MIDN: variants seen among roughly 807,000 people sequenced by gnomAD.
MIDN encodes the protein midbrain nucleolar protein.
A neutral mutation model predicts 46.1 loss-of-function variants in MIDN; 26 were observed. That is an observed-to-expected ratio of 0.56 (90% CI 0.41 to 0.78). The LOEUF is 0.78. Among genes scored for constraint, MIDN ranks in the 30% least tolerant of loss-of-function variants. The pLI is 0.00. For synonymous variants in MIDN, 432 were observed against 343.3 expected, an observed-to-expected ratio of 1.26 and a Z score of -2.86; for missense variants, 850 against 771.8, an observed-to-expected ratio of 1.10 and a Z score of -1.20.
chr19:1,257,560 C>T lies in MIDN; in HGVS notation c.*288C>T, dbSNP rs966208299. The T allele has an allele frequency of 2.0e-4, 74 of 371,442 alleles. No homozygotes were observed. The highest frequency in any genetic ancestry group is 3.2e-4 in the Admixed American group (7 of 22,040). The allele number at this position is 371,442 out of a possible 1,614,324, so 23.0% of individuals were successfully genotyped here. A position where few individuals can be genotyped will look rare whatever the true frequency, so the allele number is the denominator to read the frequency against. On this transcript the variant is annotated 3_prime_UTR_variant, in exon 9 of 9. Transcript: ENST00000682408. ...CTCCGTCTGTCTCCTTTCACCTCTG[C>T]GCCAGGTCGGTCCTCCCTGCCAACC... is the stretch of plus-strand genomic sequence containing the variant.
At chr19:1,252,584 C>T (rs1307880999) in intron 4 of MIDN, among the ~76,000 whole-genome samples, 1 of 151,576 alleles carries the variant, frequency 6.6e-6, no homozygotes, top group Admixed American at 6.6e-5. Flanking sequence ...ATTTTCTTGG[C>T]TGCGGCCAAG....
rs372957121 is a variant in MIDN at position 1,257,296 on chromosome 19, C to T, written c.*24C>T. 3 of 1,602,320 alleles carry T rather than the reference C, an allele frequency of 1.9e-6. No homozygotes were observed. Among genetic ancestry groups the T allele is most frequent in the Non-Finnish European group, 8.5e-7 (1 of 1,172,266 alleles). On this transcript the variant is annotated 3_prime_UTR_variant, in exon 9 of 9. Transcript: ENST00000682408. Reference sequence around the variant, plus strand: ...AGGATCTTCGGATCGGCCACCCTCGCCCCTCGCACCCCAGCCCAGGGCGGC... The same window carrying T: ...AGGATCTTCGGATCGGCCACCCTCGTCCCTCGCACCCCAGCCCAGGGCGGC...
At chr19:1,251,994 G>A (rs2145487950) in intron 4 of MIDN, 93 bp downstream of exon 4, 1 of 1,100,286 alleles carries the variant, frequency 9.1e-7, no homozygotes, top group South Asian at 1.3e-5. Context: ...GTGCTCCCAG[G>A]AGGCTGGGGG....
rs142058269 is a variant in MIDN at position 1,257,137 on chromosome 19, C to T, written c.1401C>T (p.Ala467=). ...ACCACTGGTCACCCAGCCGCAAGGC[C>T]GGCCGCAGCGACAGCAGTAGCAGCG... ...GPYHWSPSRK[A]GRSDSSSSGG... Residue 467 remains alanine (A), a synonymous_variant, in exon 9 of 9, where the codon GCC becomes GCT. Coordinates refer to ENST00000682408, the MANE Select transcript of MIDN (RefSeq NM_001388306.1). 12,266 of 1,611,354 alleles carry T rather than the reference C, an allele frequency of 7.6e-3. 70 individuals are homozygous for T. Among genetic ancestry groups the T allele is most frequent in the Non-Finnish European group, 9.5e-3 (11,157 of 1,179,130 alleles).
At chr19:1,249,572 G>A (rs891338277) in intron 1 of MIDN, among the ~76,000 whole-genome samples, 3 of 150,016 alleles carry the variant, frequency 2.0e-5, no homozygotes, top group Non-Finnish European at 4.5e-5. Context: ...TTTGTTGCGG[G>A]CTCCGGGCGC....
rs777283323 is a variant in MIDN, at chr19:1,251,906, G to C, written c.384+5G>C. 1 of 1,612,416 alleles carries C rather than the reference G, an allele frequency of 6.2e-7. No homozygotes were observed. The highest frequency in any genetic ancestry group is 8.5e-7 in the Non-Finnish European group (1 of 1,179,356). ...GAGAGTCTCACGGAGACGCAGGTAA[G>C]ACCTCGCCAGCCCCTTCCTAACAGG... On this transcript the variant is annotated splice_donor_5th_base_variant and intron_variant, in intron 4 of 8. Transcript: ENST00000682408.
intron 3 of MIDN, 35 bp from the exon 4 acceptor site, chr19:1,251,804 C>G (rs372770763): frequency 1.9e-6 from 3 of 1,604,206 alleles, no homozygotes; most frequent in African/African-American, 2.7e-5. Flanking sequence ...GATTCCGACC[C>G]CACACTCAGG....
At chr19:1,255,192 T>C (rs932515581) in intron 7 of MIDN, 131 bp downstream of exon 7, 13 of 1,220,016 alleles carry the variant, frequency 1.1e-5, no homozygotes, top group Admixed American at 2.5e-5. Context: ...TCACTTCACA[T>C]GTCCCCCAGG....
At position 1,254,999 on chromosome 19, in the gene MIDN, C is replaced by G. The variant is rs778856412; in HGVS notation, c.923C>G (p.Pro308Arg). 2 of 1,613,292 alleles carry G rather than the reference C, an allele frequency of 1.2e-6. No individual in the cohort carries two copies. Among genetic ancestry groups the G allele is most frequent in the Non-Finnish European group, 1.7e-6 (2 of 1,179,892 alleles). Residue 308 changes from proline (P) to arginine (R), a missense_variant, in exon 7 of 9, where the codon CCC (proline) becomes CGC (arginine). By Grantham distance (103) the Pro-to-Arg change is moderately radical (BLOSUM62 -2). Coordinates refer to ENST00000682408, the MANE Select transcript of MIDN (RefSeq NM_001388306.1). ...AGCCCTGCCCCCCGCTCCCGAAAAC[C>G]CGGCGCCGTCATCGAGAGCTTTGTG... ...GASPAPRSRKPGAVIESFVNH... is the reference protein window; with the variant it reads ...GASPAPRSRKRGAVIESFVNH...
Position 1,251,262 on chromosome 19 carries a change from T to C in MIDN, c.234-300T>C, listed in dbSNP as rs140662152. ...CCTGGGGTCGTGGGGGAAGGTGGCA[T>C]AGAGCACACTGGGGCCCAGAGGAGG... On this transcript the variant is annotated intron_variant, in intron 2 of 8. Transcript: ENST00000682408. 2.1e-3 allele frequency: 814 copies of C among 390,540 alleles called. 2 individuals carry two copies. Among genetic ancestry groups the C allele is most frequent in the African/African-American group, 0.012 (554 of 46,496 alleles). 24.2% of individuals were successfully genotyped at this position (390,540 alleles called of 1,614,324 possible).
At chr19:1,255,728 C>A in intron 8 of MIDN, 34 bp downstream of exon 8, 1 of 1,507,148 alleles carries the variant, frequency 6.6e-7, no homozygotes, top group East Asian at 2.3e-5. Context: ...CTACCTTCCC[C>A]GCCCGCCTGG....
At chr19:1,251,815 C>T (rs199869396) in intron 3 of MIDN, 24 bp from the exon 4 acceptor site, 71 of 1,608,928 alleles carry the variant, frequency 4.4e-5, no homozygotes, top group African/African-American at 5.3e-5. Flanking sequence ...CACACTCAGG[C>T]CCCTCTCCTC....
rs756719134 is a variant in MIDN at position 1,250,444 on chromosome 19, G to A, written c.148G>A (p.Asp50Asn). ...CCGCTACGACCTGGCCGTGCCGCCCGACGAGACGGTGGAGGGGCTGCGCAA... is the reference window on the plus strand; with the variant it reads ...CCGCTACGACCTGGCCGTGCCGCCCAACGAGACGGTGGAGGGGCTGCGCAA... ...GTRYDLAVPPDETVEGLRKRL... is the reference protein window; with the variant it reads ...GTRYDLAVPPNETVEGLRKRL... The change falls in exon 2 of 9, where the codon GAC becomes AAC. Residue 50 changes from aspartate (D) to asparagine (N), a missense_variant. Physicochemically the swap from Asp to Asn is conservative, Grantham distance 23. Coordinates refer to ENST00000682408, the MANE Select transcript of MIDN (RefSeq NM_001388306.1). 2 of 1,388,782 alleles carry A rather than the reference G, an allele frequency of 1.4e-6. No homozygotes were observed. The highest frequency in any genetic ancestry group is 1.5e-5 in the South Asian group (1 of 67,692). The allele number at this position is 1,388,782 out of a possible 1,614,324, so 86.0% of individuals were successfully genotyped here.
In MIDN at chr19:1,257,295, G is replaced by A. The variant is rs762623417; in HGVS notation, c.*23G>A. ...TAGGATCTTCGGATCGGCCACCCTCGCCCCTCGCACCCCAGCCCAGGGCGG... is the reference window on the plus strand; with the variant it reads ...TAGGATCTTCGGATCGGCCACCCTCACCCCTCGCACCCCAGCCCAGGGCGG... On this transcript the variant is annotated 3_prime_UTR_variant, in exon 9 of 9. Transcript: ENST00000682408. The A allele has an allele frequency of 1.6e-5, 25 of 1,605,094 alleles. No individual in the cohort carries two copies. Among genetic ancestry groups the A allele is most frequent in the Admixed American group, 3.3e-5 (2 of 59,768 alleles).
At position 1,253,969 on chromosome 19, in the gene MIDN, G is replaced by A. The variant is rs546796482; in HGVS notation, c.400G>A (p.Gly134Arg). The A allele has an allele frequency of 7.1e-5, 98 of 1,387,810 alleles. No homozygotes were observed. The African/African-American group carries it at 1.2e-3, about 17-fold the overall frequency. The allele number at this position is 1,387,810 out of a possible 1,614,324, so 86.0% of individuals were successfully genotyped here. ...GTCCCCACAGCCCCCAGCGGCGCCC[G>A]GGCCGGGCCGGGCTGGCGGAGGAGG... ...LTETQPPAAP[G>R]PGRAGGGGFR... The change falls in exon 5 of 9, where the codon GGG (glycine) becomes AGG (arginine). Residue 134 changes from glycine (G) to arginine (R), a missense_variant. Coordinates refer to ENST00000682408, the MANE Select transcript of MIDN (RefSeq NM_001388306.1).
At chr19:1,252,216 C>T (rs564630510) in intron 4 of MIDN, among the ~76,000 whole-genome samples, 7 of 152,282 alleles carry the variant, frequency 4.6e-5, no homozygotes, top group South Asian at 2.1e-4. Context: ...CATCCCCAGC[C>T]CCCTCCGCCC....
At chr19:1,252,134 C>T (rs1477083930) in intron 4 of MIDN, among the ~76,000 whole-genome samples, 2 of 152,206 alleles carry the variant, frequency 1.3e-5, no homozygotes, top group Non-Finnish European at 2.9e-5. Flanking sequence ...GGAAGGGGGC[C>T]TGGCTTTCAC....
In MIDN at chr19:1,251,834, T is replaced by C. The variant is rs1443505410; in HGVS notation, c.322-5T>C. ...CTCAGGCCCCTCTCCTCCCTCTCTTTGTAGTCTCAGGCCTCAAGGCCGGAA... is the reference window on the plus strand; with the variant it reads ...CTCAGGCCCCTCTCCTCCCTCTCTTCGTAGTCTCAGGCCTCAAGGCCGGAA... On this transcript the variant is annotated splice_polypyrimidine_tract_variant and splice_region_variant and intron_variant, in intron 3 of 8. Coordinates refer to ENST00000682408, the MANE Select transcript of MIDN (RefSeq NM_001388306.1). 1.2e-6 allele frequency: 2 copies of C among 1,612,596 alleles called. No individual in the cohort carries two copies. Among genetic ancestry groups the C allele is most frequent in the East Asian group, 2.2e-5 (1 of 44,844 alleles).
Position 1,254,364 on chromosome 19 carries a change from G to A in MIDN, c.711G>A (p.Pro237=), listed in dbSNP as rs750445586. 1.5e-5 allele frequency: 24 copies of A among 1,561,424 alleles called. No individual in the cohort carries two copies. The highest frequency in any genetic ancestry group is 2.7e-5 in the African/African-American group (2 of 73,892). ...CCCCCGTGTCCTCGCCCTGCCGGCC[G>A]GTGTCCAGTGCCGCCCGAGTCCCCC... The part of the protein sequence containing the change: ...IASPVSSPCR[P]VSSAARVPPV... The change falls in exon 6 of 9, where the codon CCG becomes CCA. Residue 237 remains proline (P), a synonymous_variant. Coordinates refer to ENST00000682408, the MANE Select transcript of MIDN (RefSeq NM_001388306.1).
Sources: gnomAD v4.1 joint callset for allele counts (sites outside exome capture counted in the v4.1 genomes callset) on GRCh38, gnomAD v4.1.1 for gene constraint, MANE v1.5 for transcripts, NCBI Gene and HGNC (gene_info 2026-07-23, HGNC 2026-07-21) for gene names.